The following CPNE3 variants were observed in gnomAD, a reference collection of about 807,000 sequenced individuals.
The protein encoded by CPNE3 is copine 3, also known as copine-3.
A neutral mutation model predicts 63.9 loss-of-function variants in CPNE3; 68 were observed. The ratio of observed to expected loss-of-function variants is 1.06; its 90% confidence interval spans 0.87 to 1.30. The LOEUF (loss-of-function observed/expected upper bound fraction) is 1.30, where lower values mean the gene tolerates loss of function less well. CPNE3 is among the 50% of genes most tolerant of loss of function. CPNE3 has a pLI of 0.00. For missense variants in CPNE3, 665 were observed against 578.1 expected (o/e 1.15, Z -1.54); for synonymous variants, 219 against 197.5 (o/e 1.11, Z -0.91).
chr8:86,551,874 G>C (rs566232201), intron 14 of CPNE3, among the ~76,000 whole-genome samples: 26 of 152,306 alleles, frequency 1.7e-4, no homozygotes, highest in Middle Eastern at 3.4e-3. Context: ...GGCCAGGCTG[G>C]TCTTGAACTC....
At chr8:86,535,302 G>A (rs1820778291) in intron 6 of CPNE3, among the ~76,000 whole-genome samples, 1 of 151,122 alleles carries the variant, frequency 6.6e-6, no homozygotes. Flanking sequence ...GCTTTTCAGT[G>A]GACAGATACA....
Position 86,544,821 on chromosome 8 carries a change from G to A in CPNE3, c.715G>A (p.Ala239Thr), listed in dbSNP as rs1389008445. 2 of 1,589,412 alleles carry A rather than the reference G, an allele frequency of 1.3e-6. No homozygotes were observed. The highest frequency in any genetic ancestry group is 8.6e-7 in the Non-Finnish European group (1 of 1,166,178). The change falls in exon 9 of 17, where the codon GCC becomes ACC. Residue 239 changes from alanine (A) to threonine (T), a missense_variant. By Grantham distance (58) the Ala-to-Thr change is moderately conservative. Transcript: ENST00000517490. ...FQTTMTKLKE[A>T]SRSSPVEFEC... ...GACCACCATGACAAAACTGAAAGAA[G>A]CCTCCAGAAGCTCACCTGTAAGTTA...
At position 86,540,154 on chromosome 8, in the gene CPNE3, G is replaced by C. The variant is rs111755325; in HGVS notation, c.544-91G>C. On this transcript the variant is annotated intron_variant, in intron 7 of 16. Transcript: ENST00000517490. ...GATGAAGAGGTGGAGGACGAATGGT[G>C]AGAGTATAGCAAGAACCTAGGAAGG... The C allele has an allele frequency of 5.8e-4, 442 of 767,572 alleles. 4 individuals carry two copies. The African/African-American group carries it at 6.6e-3, about 11-fold the overall frequency. 47.5% of individuals were successfully genotyped at this position (767,572 alleles called of 1,614,324 possible). A position where few individuals can be genotyped will look rare whatever the true frequency, so the allele number is the denominator to read the frequency against.
At position 86,531,174 on chromosome 8, in the gene CPNE3, TA is replaced by T; in HGVS notation, c.334del (p.Thr112LeufsTer5). 5 of 1,274,040 alleles carry T rather than the reference TA, an allele frequency of 3.9e-6. No individual in the cohort carries two copies. Among genetic ancestry groups the T allele is most frequent in the Non-Finnish European group, 4.6e-6 (4 of 869,356 alleles). 78.9% of individuals were successfully genotyped at this position (1,274,040 alleles called of 1,614,324 possible). A position where few individuals can be genotyped will look rare whatever the true frequency, so the allele number is the denominator to read the frequency against. Reference sequence around the variant, plus strand: ...TAACAGATTGTTTCCAGCAAGAAGCTAACTCGACCACTGGTGATGAAAACTG... The same window carrying T: ...TAACAGATTGTTTCCAGCAAGAAGCTACTCGACCACTGGTGATGAAAACTG... ...TLGQIVSSKK[L>X]TRPLVMKTGR... is the part of the protein sequence containing the mutation. On this transcript the variant is annotated frameshift_variant, in exon 5 of 17. Coordinates refer to ENST00000517490, the MANE Select transcript of CPNE3 (RefSeq NM_003909.5). LOFTEE classifies it high-confidence loss of function.
chr8:86,551,541 TA>T (rs1219512702), intron 14 of CPNE3: 1 of 237,642 alleles, frequency 4.2e-6, no homozygotes, highest in Non-Finnish European at 8.0e-6. Flanking sequence ...AGTAGATCAG[TA>T]AAAATATCAT....
At chr8:86,530,903 G>A (rs1484116693) in intron 4 of CPNE3, among the ~76,000 whole-genome samples, 1 of 151,774 alleles carries the variant, frequency 6.6e-6, no homozygotes, top group Non-Finnish European at 1.5e-5. Context: ...TGTTGGCCAG[G>A]CTGGTCTTAA....
intron 9 of CPNE3, 144 bp downstream of exon 9, chr8:86,544,982 A>T: frequency 5.0e-6 from 2 of 403,428 alleles, no homozygotes; most frequent in Non-Finnish European, 8.8e-6. Context: ...TAGTAATCAC[A>T]TAATCCACAA....
intron 7 of CPNE3, among the ~76,000 whole-genome samples, chr8:86,538,212 T>C (rs1343454530): frequency 6.6e-6 from 1 of 152,062 alleles, no homozygotes; most frequent in Non-Finnish European, 1.5e-5. Context: ...CCGTCTCTAC[T>C]AAAAATACAA....
At chr8:86,555,115 T>G (rs1821292145) in intron 15 of CPNE3, 131 bp downstream of exon 15, 1 of 1,314,508 alleles carries the variant, frequency 7.6e-7, no homozygotes, top group Non-Finnish European at 1.0e-6. Context: ...ATTCTTGGTT[T>G]GGGAGTAACT....
In CPNE3 at chr8:86,547,745, TG is replaced by T; in HGVS notation, c.857del (p.Gly286GlufsTer5). On this transcript the variant is annotated frameshift_variant, in exon 11 of 17. Coordinates refer to ENST00000517490, the MANE Select transcript of CPNE3 (RefSeq NM_003909.5). LOFTEE classifies it high-confidence loss of function. ...GAATGCACATTCCTTGACTATATAA[TG>T]GGAGGATGTCAGCTGAATTTTACTG... ...TVECTFLDYI[M>X]GGCQLNFTVG... is the part of the protein sequence containing the mutation. 1.4e-6 allele frequency: 2 copies of T among 1,383,850 alleles called. No individual in the cohort carries two copies. The highest frequency in any genetic ancestry group is 2.1e-6 in the Non-Finnish European group (2 of 974,088). The allele number at this position is 1,383,850 out of a possible 1,614,324, so 85.7% of individuals were successfully genotyped here.
intron 8 of CPNE3, among the ~76,000 whole-genome samples, chr8:86,542,621 T>C (rs951598370): frequency 1.3e-5 from 2 of 151,834 alleles, no homozygotes; most frequent in African/African-American, 4.8e-5. Flanking sequence ...TGCATATACA[T>C]ATGCATATGT....
At chr8:86,536,883 C>T (rs1251038784) in intron 6 of CPNE3, among the ~76,000 whole-genome samples, 9 of 152,086 alleles carry the variant, frequency 5.9e-5, no homozygotes, top group South Asian at 2.1e-4. Context: ...ATGGTGATAA[C>T]GGTATTTTTG....
rs1217394712 is a variant in CPNE3 at position 86,559,040 on chromosome 8, A to G, written c.*630A>G. ...GGAAAAGGCACATACTCAGTTTTTTAAATGTACAATCAACAAGTAAAAATA... is the reference window on the plus strand; with the variant it reads ...GGAAAAGGCACATACTCAGTTTTTTGAATGTACAATCAACAAGTAAAAATA... On this transcript the variant is annotated 3_prime_UTR_variant, in exon 17 of 17. Transcript: ENST00000517490. 1 of 152,214 alleles carries G rather than the reference A, an allele frequency of 6.6e-6. No homozygotes were observed. Among genetic ancestry groups the G allele is most frequent in the Non-Finnish European group, 1.5e-5 (1 of 68,046 alleles). The allele number at this position is 152,214 out of a possible 1,614,324, so 9.4% of individuals were successfully genotyped here.
chr8:86,547,797 A>G (rs768159957), intron 11 of CPNE3, 27 bp downstream of exon 11: 4 of 1,055,924 alleles, frequency 3.8e-6, no homozygotes, highest in African/African-American at 1.6e-5. Flanking sequence ...ATTTTTCAGC[A>G]TAGGCTTTTT....
intron 11 of CPNE3, 45 bp downstream of exon 11, chr8:86,547,815 G>A (rs2131484795): frequency 2.2e-6 from 2 of 889,646 alleles, no homozygotes; most frequent in East Asian, 4.9e-5. Context: ...TTTCCTCCAT[G>A]TTGCAGTATA....
At chr8:86,530,447 G>T (rs1820649782) in intron 4 of CPNE3, among the ~76,000 whole-genome samples, 1 of 151,994 alleles carries the variant, frequency 6.6e-6, no homozygotes, top group South Asian at 2.1e-4. Context: ...TGGGATTATT[G>T]GTGTGAGCCA....
At chr8:86,530,168 T>C (rs1820639789) in intron 4 of CPNE3, among the ~76,000 whole-genome samples, 1 of 112,932 alleles carries the variant, frequency 8.9e-6, no homozygotes, top group African/African-American at 3.8e-5. Flanking sequence ...AAAAATTGAA[T>C]CCTTTTTTTT....
In CPNE3 at chr8:86,554,955, G is replaced by A. The variant is rs142628253; in HGVS notation, c.1225G>A (p.Ala409Thr). Residue 409 changes from alanine to threonine, a missense_variant, in exon 15 of 17, where the codon GCT (alanine) becomes ACT (threonine). Ala to Thr is a moderately conservative substitution (Grantham distance 58). Transcript: ENST00000517490. ...PIINHVARFA[A>T]AATQQQTASQ... Reference sequence around the variant, plus strand: ...CATAAATCACGTGGCCAGGTTTGCTGCTGCAGCCACGCAACAGCAGACAGC... The same window carrying A: ...CATAAATCACGTGGCCAGGTTTGCTACTGCAGCCACGCAACAGCAGACAGC... 3.3e-5 allele frequency: 54 copies of A among 1,614,100 alleles called. No individual in the cohort carries two copies. The highest frequency in any genetic ancestry group is 8.8e-5 in the South Asian group (8 of 91,078).
chr8:86,557,157 G>A (rs1027165175), intron 16 of CPNE3, among the ~76,000 whole-genome samples: 1 of 151,992 alleles, frequency 6.6e-6, no homozygotes, highest in African/African-American at 2.4e-5. Context: ...TGTTTGTTTT[G>A]TTTTTGTTTT....
Sources: gnomAD v4.1 joint callset for allele counts (sites outside exome capture counted in the v4.1 genomes callset) on GRCh38, gnomAD v4.1.1 for gene constraint, MANE v1.5 for transcripts, NCBI Gene and HGNC (gene_info 2026-07-23, HGNC 2026-07-21) for gene names.